Variants in RBL1 observed in about 807,000 individuals in gnomAD.
RBL1 encodes the protein RB transcriptional corepressor like 1.
In RBL1, 82 loss-of-function variants were observed where a neutral mutation model predicts 123.0. The ratio of observed to expected loss-of-function variants is 0.67; its 90% CI spans 0.56 to 0.80. The LOEUF (loss-of-function observed/expected upper bound fraction) is 0.80. Ranked by LOEUF, RBL1 falls within the 30% of genes least tolerant of loss-of-function variation. The probability of loss-of-function intolerance (pLI) is 0.00; values close to 1 mark genes in which losing one functional copy is unlikely to be tolerated. For missense variants in RBL1, 1,171 were observed against 1,299.6 expected (o/e 0.90, Z 1.52); for synonymous variants, 405 against 441.3 (o/e 0.92, Z 1.03).
chr20:37,018,905 A>G (rs938280346), intron 18 of RBL1, among the ~76,000 whole-genome samples: 8 of 152,160 alleles, frequency 5.3e-5, no homozygotes, highest in African/African-American at 1.9e-4. Context: ...CTGAGATCGC[A>G]CCACTGCACT....
intron 18 of RBL1, among the ~76,000 whole-genome samples, chr20:37,020,369 G>T (rs989456703): frequency 6.6e-6 from 1 of 152,038 alleles, no homozygotes; most frequent in Non-Finnish European, 1.5e-5. Flanking sequence ...GATTACAGGC[G>T]TGAGACACCG....
chr20:37,090,942 T>C (rs2146338665), intron 1 of RBL1, among the ~76,000 whole-genome samples: 1 of 152,336 alleles, frequency 6.6e-6, no homozygotes, highest in Middle Eastern at 3.4e-3. Flanking sequence ...CAATTTACAA[T>C]GCCACAAAAA....
intron 9 of RBL1, among the ~76,000 whole-genome samples, chr20:37,060,782 CA>C (rs112383107): frequency 0.014 from 1,859 of 129,760 alleles, 43 homozygotes; most frequent in African/African-American, 0.05. Flanking sequence ...GACCCTGTCT[CA>C]AAAAAAAAAC....
chr20:37,080,540 C>T lies in RBL1; in HGVS notation c.290+8449G>A, dbSNP rs373010117. 1.3e-4 allele frequency among the ~76,000 whole-genome samples: 19 copies of T among 151,634 alleles called. 1 individual carries two copies. The East Asian group carries it at 3.1e-3, about 25-fold the overall frequency. ...GTGGTGCGATCTCGGCTCACTACAA[C>T]CTCCACCTCCTGGGTTCAGGTGATT... On this transcript the variant is annotated intron_variant, in intron 2 of 21. Coordinates refer to ENST00000373664, the MANE Select transcript of RBL1 (RefSeq NM_002895.5).
chr20:37,025,855 G>A (rs1330945981), intron 16 of RBL1, among the ~76,000 whole-genome samples: 4 of 151,394 alleles, frequency 2.6e-5, no homozygotes, highest in African/African-American at 9.7e-5. Flanking sequence ...CCATTCTCCT[G>A]CTTCAGCCTC....
intron 1 of RBL1, among the ~76,000 whole-genome samples, chr20:37,091,694 G>A (rs1211410555): frequency 2.0e-5 from 3 of 150,434 alleles, no homozygotes; most frequent in Non-Finnish European, 4.4e-5. Context: ...AATTACAGAT[G>A]TAAATCTGAT....
Position 37,022,796 on chromosome 20 carries a change from C to A in RBL1, c.2413G>T (p.Asp805Tyr), listed in dbSNP as rs2064364161. 1 of 1,612,930 alleles carries A rather than the reference C, an allele frequency of 6.2e-7. No individual in the cohort carries two copies. The highest frequency in any genetic ancestry group is 8.5e-7 in the Non-Finnish European group (1 of 1,179,456). Residue 805 changes from aspartate (D) to tyrosine (Y), a missense_variant, in exon 17 of 22, where the codon GAT becomes TAT. By Grantham distance (160) the Asp-to-Tyr change is radical. Coordinates refer to ENST00000373664, the MANE Select transcript of RBL1 (RefSeq NM_002895.5). ...VYHLASVRLRDLCLKLDVSNE... is the reference protein window; with the variant it reads ...VYHLASVRLRYLCLKLDVSNE... ...GAAACATCCAGTTTTAGACATAGAT[C>A]ACGTAAGCGTACACTTGCCAAATGA...
chr20:37,045,077 T>TTAC (rs1555857350), intron 12 of RBL1, among the ~76,000 whole-genome samples: 1 of 144,188 alleles, frequency 6.9e-6, no homozygotes, highest in African/African-American at 2.6e-5. Flanking sequence ...TTCACATTTA[T>TTAC]TTACTTATTT....
chr20:37,057,738 C>T (rs910165013), intron 9 of RBL1, among the ~76,000 whole-genome samples: 2 of 152,046 alleles, frequency 1.3e-5, no homozygotes, highest in African/African-American at 2.4e-5. Context: ...TCTATATTCC[C>T]AGCACTTCGG....
At chr20:37,024,642 T>C (rs2064392188) in intron 16 of RBL1, among the ~76,000 whole-genome samples, 2 of 152,198 alleles carry the variant, frequency 1.3e-5, no homozygotes, top group African/African-American at 2.4e-5. Flanking sequence ...TTATATTTTC[T>C]AGCTTCTAAT....
At chr20:37,094,883 C>T (rs2065704116) in intron 1 of RBL1, among the ~76,000 whole-genome samples, 1 of 152,188 alleles carries the variant, frequency 6.6e-6, no homozygotes, top group Non-Finnish European at 1.5e-5. Flanking sequence ...AGTGATCCGC[C>T]CGCCTTGGCC....
At position 37,000,877 on chromosome 20, in the gene RBL1, G is replaced by GC. The variant is rs1200410197; in HGVS notation, c.3037-1949dup. On this transcript the variant is annotated intron_variant, in intron 21 of 21. Coordinates refer to ENST00000373664, the MANE Select transcript of RBL1 (RefSeq NM_002895.5). Reference sequence around the variant, plus strand: ...GAGGAGCCCCTCTGCCCGGCCAGCCGCCCCGTCCAGGAGGGAGGTGGGGGG... The same window carrying GC: ...GAGGAGCCCCTCTGCCCGGCCAGCCGCCCCCGTCCAGGAGGGAGGTGGGGGG... Among the ~76,000 whole-genome samples the GC allele has an allele frequency of 1.5e-3, 196 of 132,342 alleles. 1 individual carries two copies. Among genetic ancestry groups the GC allele is most frequent in the African/African-American group, 5.3e-3 (187 of 35,086 alleles). The allele number at this position is 132,342 out of a possible 152,430, so 86.8% of individuals were successfully genotyped here.
chr20:37,012,151 T>G (rs1478045975), intron 19 of RBL1, among the ~76,000 whole-genome samples: 1 of 152,240 alleles, frequency 6.6e-6, no homozygotes, highest in African/African-American at 2.4e-5. Flanking sequence ...AGACGGAGTC[T>G]GGTTCACTCA....
At chr20:37,058,150 A>AAAAAAAAAAAAAAAAC (rs2065043229) in intron 9 of RBL1, among the ~76,000 whole-genome samples, 1 of 150,440 alleles carries the variant, frequency 6.6e-6, no homozygotes, top group Non-Finnish European at 1.5e-5. Context: ...CAAAAAAAAA[A>AAAAAAAAAAAAAAAAC]AAGCCTATTC....
intron 2 of RBL1, 68 bp from the exon 3 acceptor site, chr20:37,068,254 T>C: frequency 6.7e-7 from 1 of 1,486,194 alleles, no homozygotes; most frequent in Non-Finnish European, 8.9e-7. Context: ...TGAAAGGAAA[T>C]ATTCTATTCA....
At chr20:36,999,785 T>C (rs28464449) in intron 21 of RBL1, among the ~76,000 whole-genome samples, 7 of 152,218 alleles carry the variant, frequency 4.6e-5, no homozygotes, top group African/African-American at 9.7e-5. Flanking sequence ...GAGTCGCGTT[T>C]ACTCAGTGCT....
chr20:37,049,529 A>T (rs2064871458), intron 11 of RBL1: 2 of 755,512 alleles, frequency 2.6e-6, no homozygotes, highest in Admixed American at 3.4e-5. Context: ...AAGAGAAAGA[A>T]GGTTAAGCTG....
chr20:37,085,895 C>T (rs901808429), intron 2 of RBL1, among the ~76,000 whole-genome samples: 1 of 151,928 alleles, frequency 6.6e-6, no homozygotes, highest in South Asian at 2.1e-4. Context: ...GTGATCCACC[C>T]GGCTTGGTCT....
rs2064363050 is a variant in RBL1, at chr20:37,022,766, C to G, written c.2443G>C (p.Glu815Gln). ...DLCLKLDVSN[E>Q]LRRKIWTCFE... ...CACGTCCATATCTTCCTTCGTAACT[C>G]ATTTGAAACATCCAGTTTTAGACAT... The change falls in exon 17 of 22, where the codon GAG (glutamate) becomes CAG (glutamine). Residue 815 changes from glutamate to glutamine, a missense_variant. Physicochemically the swap from Glu to Gln is conservative, Grantham distance 29. Transcript: ENST00000373664. The G allele has an allele frequency of 2.5e-6, 4 of 1,613,690 alleles. No homozygotes were observed. The highest frequency in any genetic ancestry group is 3.4e-6 in the Non-Finnish European group (4 of 1,179,670).
Sources: gnomAD v4.1 joint callset for allele counts (sites outside exome capture counted in the v4.1 genomes callset) on GRCh38, gnomAD v4.1.1 for gene constraint, MANE v1.5 for transcripts, NCBI Gene and HGNC (gene_info 2026-07-23, HGNC 2026-07-21) for gene names.